Variants in AKAIN1 observed in about 807,000 individuals in gnomAD.
The protein encoded by AKAIN1 is A-kinase anchor protein inhibitor 1.
Under a neutral mutation model 3.7 loss-of-function variants are expected in AKAIN1, and 3 were observed. The ratio of observed to expected loss-of-function variants is 0.82; its 90% CI spans 0.37 to 2.12. The LOEUF is 2.12. AKAIN1 is among the 30% of genes most tolerant of loss of function. The pLI, the probability that AKAIN1 is intolerant of heterozygous loss-of-function variation, is 0.06. For synonymous variants in AKAIN1, 31 were observed against 30.8 expected, an observed-to-expected ratio of 1.01 and a Z score of -0.02; for missense variants, 82 against 82.7, an observed-to-expected ratio of 0.99 and a Z score of 0.03.
intron 1 of AKAIN1, among the ~76,000 whole-genome samples, chr18:5,168,609 A>C (rs2071179956): frequency 6.6e-6 from 1 of 152,034 alleles, no homozygotes; most frequent in Non-Finnish European, 1.5e-5. Context: ...ATTTTTTGTA[A>C]CTTTGTCTTA....
rs762287832 is a variant in AKAIN1 at position 5,145,688 on chromosome 18, A to G, written c.84T>C (p.Asn28=). 34 of 1,551,520 alleles carry G rather than the reference A, an allele frequency of 2.2e-5. No individual in the cohort carries two copies. The highest frequency in any genetic ancestry group is 5.5e-5 in the African/African-American group (4 of 73,050). Residue 28 remains asparagine (N), a synonymous_variant, in exon 2 of 2, where the codon AAT becomes AAC. Transcript: ENST00000434239. ...LQNASKQIVQ[N]AILQAVQQVS... is the part of the protein sequence containing the mutation. The stretch of plus-strand genomic sequence containing the variant: ...CTTGCTGCACAGCTTGCAGGATTGC[A>G]TTCTGCACAATCTGTTTGCTGGCAT...
intron 1 of AKAIN1, among the ~76,000 whole-genome samples, chr18:5,168,463 C>T (rs2071178929): frequency 6.6e-6 from 1 of 151,764 alleles, no homozygotes; most frequent in Non-Finnish European, 1.5e-5. Flanking sequence ...TTTTGAAAGA[C>T]CACGTATCCA....
intron 1 of AKAIN1, among the ~76,000 whole-genome samples, chr18:5,148,531 T>G (rs1598303922): frequency 6.6e-6 from 1 of 152,176 alleles, no homozygotes; most frequent in Non-Finnish European, 1.5e-5. Flanking sequence ...TGAAATACAT[T>G]CACAGGCTGG....
chr18:5,187,327 A>G lies in AKAIN1; in HGVS notation c.16+9711T>C. 1.3e-5 allele frequency among the ~76,000 whole-genome samples: 2 copies of G among 152,184 alleles called. 1 individual carries two copies. Among genetic ancestry groups the G allele is most frequent in the Admixed American group, 1.3e-4 (2 of 15,272 alleles). On this transcript the variant is annotated intron_variant, in intron 1 of 1. Transcript: ENST00000434239. ...ACCAGATAAGACACAGATTACTAAT[A>G]TCCAGAATGAAAGGGAAATGTCTTT...
chr18:5,188,645 G>T (rs1276433764), intron 1 of AKAIN1, among the ~76,000 whole-genome samples: 1 of 152,030 alleles, frequency 6.6e-6, no homozygotes, highest in East Asian at 1.9e-4. Flanking sequence ...AGACTGCACA[G>T]GGGGATGTCA....
chr18:5,183,121 C>T (rs1038837185), intron 1 of AKAIN1, among the ~76,000 whole-genome samples: 1 of 151,956 alleles, frequency 6.6e-6, no homozygotes, highest in Non-Finnish European at 1.5e-5. Flanking sequence ...TAGAGCCTCA[C>T]TTTTATCATC....
chr18:5,166,919 A>T (rs2071170858), intron 1 of AKAIN1, among the ~76,000 whole-genome samples: 1 of 152,076 alleles, frequency 6.6e-6, no homozygotes, highest in African/African-American at 2.4e-5. Context: ...CCATCTGCAA[A>T]ATATTGCACA....
Position 5,143,616 on chromosome 18 carries a change from A to T in AKAIN1, c.*1946T>A, listed in dbSNP as rs1187152149. On this transcript the variant is annotated 3_prime_UTR_variant, in exon 2 of 2. Transcript: ENST00000434239. ...ATAGCCTTGGAAGTCTCATGGTTCCAAATAATGGTAAGATCCACGTACAAA... is the reference window on the plus strand; with the variant it reads ...ATAGCCTTGGAAGTCTCATGGTTCCTAATAATGGTAAGATCCACGTACAAA... 6.6e-6 allele frequency among the ~76,000 whole-genome samples: 1 copy of T among 152,230 alleles called. No individual in the cohort carries two copies. Among genetic ancestry groups the T allele is most frequent in the Non-Finnish European group, 1.5e-5 (1 of 68,040 alleles).
chr18:5,172,106 G>A (rs1002910964), intron 1 of AKAIN1, among the ~76,000 whole-genome samples: 10 of 152,072 alleles, frequency 6.6e-5, no homozygotes, highest in East Asian at 1.9e-4. Context: ...GACAAACTTC[G>A]CATATTTTCA....
At chr18:5,197,420 C>G (rs1273449335), upstream of AKAIN1, 3 of 1,261,868 alleles carry the variant, frequency 2.4e-6, no homozygotes, top group East Asian at 9.5e-5. This position sits in a 1 kb window ranked among gnomAD's most constrained non-coding sequence, Gnocchi z 6.9. Context: ...GGTAAACTTC[C>G]CGGCAGGGGA....
At chr18:5,162,095 T>A (rs2143331679) in intron 1 of AKAIN1, among the ~76,000 whole-genome samples, 1 of 152,214 alleles carries the variant, frequency 6.6e-6, no homozygotes, top group African/African-American at 2.4e-5. Context: ...TGTATACTGT[T>A]AAAGAGATTA....
chr18:5,179,022 G>A (rs2071242180), intron 1 of AKAIN1, among the ~76,000 whole-genome samples: 1 of 152,104 alleles, frequency 6.6e-6, no homozygotes, highest in East Asian at 1.9e-4. Context: ...AGAAACTAAG[G>A]AGAAAACATG....
intron 1 of AKAIN1, among the ~76,000 whole-genome samples, chr18:5,158,921 T>C (rs1369818543): frequency 8.5e-5 from 13 of 152,220 alleles, no homozygotes; most frequent in Admixed American, 8.5e-4. Context: ...TGATTAATTT[T>C]TGAAGTGGAT....
chr18:5,152,336 C>G (rs1039058360), intron 1 of AKAIN1, among the ~76,000 whole-genome samples: 1 of 152,196 alleles, frequency 6.6e-6, no homozygotes, highest in Non-Finnish European at 1.5e-5. Flanking sequence ...CCAACCCACA[C>G]AGAGGAACAG....
chr18:5,158,567 A>T (rs1031375767), intron 1 of AKAIN1, among the ~76,000 whole-genome samples: 3 of 151,718 alleles, frequency 2.0e-5, no homozygotes, highest in African/African-American at 7.3e-5. Context: ...TCAGTTCTCC[A>T]CTCCCTCCAT....
chr18:5,156,832 G>T (rs1317930457), intron 1 of AKAIN1, among the ~76,000 whole-genome samples: 1 of 152,188 alleles, frequency 6.6e-6, no homozygotes, highest in East Asian at 1.9e-4. Context: ...GCAATAAAAA[G>T]CAGGCAGATG....
chr18:5,196,652 G>A (rs985866430), intron 1 of AKAIN1, among the ~76,000 whole-genome samples: 1 of 152,222 alleles, frequency 6.6e-6, no homozygotes, highest in Non-Finnish European at 1.5e-5. Context: ...TAGCAGTGAG[G>A]GAGATTCCCA....
At chr18:5,191,407 C>T (rs532223005) in intron 1 of AKAIN1, among the ~76,000 whole-genome samples, 5 of 152,082 alleles carry the variant, frequency 3.3e-5, no homozygotes, top group African/African-American at 4.8e-5. Flanking sequence ...ACAATAGCTC[C>T]CCCCAAAAGA....
chr18:5,181,483 A>C (rs906883701), intron 1 of AKAIN1, among the ~76,000 whole-genome samples: 2 of 152,136 alleles, frequency 1.3e-5, no homozygotes, highest in Non-Finnish European at 1.5e-5. Context: ...TGAAAAGTAC[A>C]TGTGATACAT....
Sources: gnomAD v4.1 joint callset for allele counts (sites outside exome capture counted in the v4.1 genomes callset) on GRCh38, gnomAD v4.1.1 for gene constraint, Gnocchi (gnomAD v3.1) non-coding constraint, MANE v1.5 for transcripts, NCBI Gene and HGNC (gene_info 2026-07-23, HGNC 2026-07-21) for gene names.